XKR6: variants seen among roughly 807,000 people sequenced by gnomAD.
XKR6 encodes the protein XK-related protein 6.
XKR6 carries 22 observed loss-of-function variants against 56.7 expected under a neutral mutation model. The ratio of observed to expected loss-of-function variants is 0.39; its 90% CI spans 0.28 to 0.55. The LOEUF (loss-of-function observed/expected upper bound fraction) is 0.55, where lower values mean the gene tolerates loss of function less well. Ranked by LOEUF, XKR6 falls within the 20% of genes least tolerant of loss-of-function variation. The probability of loss-of-function intolerance (pLI) is 0.66; values close to 1 mark genes in which losing one functional copy is unlikely to be tolerated. For synonymous variants in XKR6, 524 were observed against 387.8 expected, an observed-to-expected ratio of 1.35 and a Z score of -4.13; for missense variants, 852 against 889.0, an observed-to-expected ratio of 0.96 and a Z score of 0.53.
Position 11,189,571 on chromosome 8 carries a change from T to G in XKR6, c.764+11005A>C, listed in dbSNP as rs192652468. The stretch of plus-strand genomic sequence containing the variant: ...TTTATCCATTCCGCCCCTCTAAATC[T>G]AAGATGCCTAGTGATAAAAAGTTTA... On this transcript the variant is annotated intron_variant, in intron 1 of 2. Coordinates refer to ENST00000416569, the MANE Select transcript of XKR6 (RefSeq NM_173683.4). Among the ~76,000 whole-genome samples, 7 of 152,258 alleles carry G rather than the reference T, an allele frequency of 4.6e-5. No individual in the cohort carries two copies. In the East Asian group the frequency reaches 1.4e-3, roughly 29 times the overall value.
At chr8:11,111,803 C>A (rs992325795) in intron 1 of XKR6, 13 of 151,658 alleles carry the variant, frequency 8.6e-5, no homozygotes, top group African/African-American at 3.1e-4. Context: ...GTGAAAACAA[C>A]ATAATTTCCA....
chr8:10,924,953 C>T lies in XKR6; in HGVS notation c.765-123G>A, dbSNP rs1800836872. The T allele has an allele frequency of 1.4e-5, 15 of 1,096,314 alleles. No individual in the cohort carries two copies. The East Asian group carries it at 3.8e-4, about 28-fold the overall frequency. 67.9% of individuals were successfully genotyped at this position (1,096,314 alleles called of 1,614,324 possible). On this transcript the variant is annotated intron_variant, in intron 1 of 2. Coordinates refer to ENST00000416569, the MANE Select transcript of XKR6 (RefSeq NM_173683.4). ...CCCCAACTCCCTATGCTCTGAAGTT[C>T]CCAGAGGCTTGGACGGGGCTCTGGG... is the stretch of plus-strand genomic sequence containing the variant.
chr8:11,117,666 A>C (rs1799246412), intron 1 of XKR6, among the ~76,000 whole-genome samples: 1 of 152,354 alleles, frequency 6.6e-6, no homozygotes, highest in South Asian at 2.1e-4. Flanking sequence ...GCACATGAAG[A>C]ACTTTAATTA....
At chr8:10,930,909 T>C (rs1274648230) in intron 1 of XKR6, among the ~76,000 whole-genome samples, 4 of 152,208 alleles carry the variant, frequency 2.6e-5, no homozygotes, top group East Asian at 1.9e-4. Context: ...TTCAACATCA[T>C]ACTAGAAGTC....
chr8:11,090,232 GC>G, intron 1 of XKR6, among the ~76,000 whole-genome samples: 1 of 152,210 alleles, frequency 6.6e-6, no homozygotes, highest in Non-Finnish European at 1.5e-5. Flanking sequence ...CTAGAGGTGT[GC>G]ACCAACAGGC....
chr8:11,124,172 T>G (rs1384649830), intron 1 of XKR6: 3 of 362,336 alleles, frequency 8.3e-6, no homozygotes, highest in African/African-American at 4.3e-5. Flanking sequence ...AAACTACAGT[T>G]TAATCATTTG....
At chr8:10,915,061 G>C (rs527308194) in intron 2 of XKR6, among the ~76,000 whole-genome samples, 2 of 152,166 alleles carry the variant, frequency 1.3e-5, no homozygotes, top group African/African-American at 4.8e-5. Flanking sequence ...ATAGCTATTC[G>C]CTGCACATGG....
At chr8:10,934,965 G>C (rs1368488885) in intron 1 of XKR6, among the ~76,000 whole-genome samples, 7 of 101,532 alleles carry the variant, frequency 6.9e-5, no homozygotes, top group African/African-American at 9.2e-5. Flanking sequence ...AATAGTTTCA[G>C]AAGGAATGGT....
At chr8:10,946,716 G>C (rs1288862027) in intron 1 of XKR6, among the ~76,000 whole-genome samples, 1 of 152,114 alleles carries the variant, frequency 6.6e-6, no homozygotes, top group Non-Finnish European at 1.5e-5. Flanking sequence ...CACTGGGGTA[G>C]GCACAGGGGA....
chr8:11,003,970 C>A (rs1434621853), intron 1 of XKR6, among the ~76,000 whole-genome samples: 1 of 152,082 alleles, frequency 6.6e-6, no homozygotes, highest in Non-Finnish European at 1.5e-5. Context: ...GGTGCAAAAG[C>A]AGAGAGTGGC....
At chr8:10,963,732 C>T (rs560970577) in intron 1 of XKR6, among the ~76,000 whole-genome samples, 1 of 151,932 alleles carries the variant, frequency 6.6e-6, no homozygotes, top group South Asian at 2.1e-4. Context: ...TTTGTAGAGA[C>T]AGGCTCTTCC....
chr8:10,924,779 G>A lies in XKR6; in HGVS notation c.816C>T (p.His272=). The A allele has an allele frequency of 1.2e-6, 2 of 1,614,080 alleles. No individual in the cohort carries two copies. The highest frequency in any genetic ancestry group is 1.7e-6 in the Non-Finnish European group (2 of 1,179,992). ...TCATAGCCCAGTAGAAGCGTCGCTGGTGTTCCTTCCGCCGCTGGCTCTGAA... is the reference window on the plus strand; with the variant it reads ...TCATAGCCCAGTAGAAGCGTCGCTGATGTTCCTTCCGCCGCTGGCTCTGAA... The part of the protein sequence containing the change: ...LGIQSQRRKE[H]QRRFYWAMMY... The change falls in exon 2 of 3, where the codon CAC becomes CAT. Residue 272 remains histidine, a synonymous_variant. Transcript: ENST00000416569.
At chr8:11,085,664 C>A (rs1007722907) in intron 1 of XKR6, among the ~76,000 whole-genome samples, 2 of 152,154 alleles carry the variant, frequency 1.3e-5, no homozygotes, top group African/African-American at 4.8e-5. Context: ...TCCCATGAGG[C>A]TTCCCTTCTG....
chr8:10,897,396 T>A lies in XKR6; in HGVS notation c.*556A>T, dbSNP rs1185022966. On this transcript the variant is annotated 3_prime_UTR_variant, in exon 3 of 3. Transcript: ENST00000416569. Reference sequence around the variant, plus strand: ...TTTAGATTTGTTTCATTTAATTGTTTAATTTTCCCTCTTCTGGTGCAAAAA... The same window carrying A: ...TTTAGATTTGTTTCATTTAATTGTTAAATTTTCCCTCTTCTGGTGCAAAAA... The A allele has an allele frequency of 6.5e-6, 1 of 152,692 alleles. No homozygotes were observed. Among genetic ancestry groups the A allele is most frequent in the African/African-American group, 2.4e-5 (1 of 41,470 alleles). 9.5% of individuals were successfully genotyped at this position (152,692 alleles called of 1,614,324 possible).
chr8:10,988,950 G>C (rs1206375819), intron 1 of XKR6, among the ~76,000 whole-genome samples: 1 of 152,200 alleles, frequency 6.6e-6, no homozygotes, highest in Non-Finnish European at 1.5e-5. Context: ...AAAAGGCAGA[G>C]GACAGTATCC....
At chr8:11,169,024 A>C (rs946507206) in intron 1 of XKR6, among the ~76,000 whole-genome samples, 1 of 152,152 alleles carries the variant, frequency 6.6e-6, no homozygotes, top group Non-Finnish European at 1.5e-5. Flanking sequence ...TGGTCCCAGG[A>C]CAAGGTCCCA....
At chr8:11,187,228 A>G (rs200117481) in intron 1 of XKR6, among the ~76,000 whole-genome samples, 2 of 152,334 alleles carry the variant, frequency 1.3e-5, no homozygotes, top group East Asian at 3.9e-4. Flanking sequence ...TAGGTTTTGG[A>G]GGCAGAATGT....
intron 1 of XKR6, among the ~76,000 whole-genome samples, chr8:11,152,919 T>A (rs771575259): frequency 2.6e-5 from 4 of 152,238 alleles, no homozygotes; most frequent in Non-Finnish European, 5.9e-5. Flanking sequence ...ACTGGGGCTT[T>A]AAAATGGCCC....
chr8:10,903,659 G>A (rs1238046449), intron 2 of XKR6, among the ~76,000 whole-genome samples: 1 of 152,054 alleles, frequency 6.6e-6, no homozygotes, highest in African/African-American at 2.4e-5. Flanking sequence ...TCTAAGGAGT[G>A]GAAATTAGGA....
Sources: allele counts gnomAD v4.1 joint callset (sites outside exome capture counted in the v4.1 genomes callset), GRCh38; gene constraint gnomAD v4.1.1; transcripts MANE v1.5; gene names NCBI Gene and HGNC (gene_info 2026-07-23, HGNC 2026-07-21).